Variants in WDFY4 observed in about 807,000 individuals in gnomAD.
WDFY4 encodes the protein WDFY family member 4.
WDFY4 carries 169 observed loss-of-function variants against 351.9 expected under a neutral mutation model. That is an observed-to-expected ratio of 0.48 (90% CI 0.42 to 0.55). The LOEUF (loss-of-function observed/expected upper bound fraction) is 0.55. Ranked by LOEUF, WDFY4 falls within the 20% of genes least tolerant of loss-of-function variation. The pLI is 0.00. For synonymous variants in WDFY4, 1,622 were observed against 1,574.6 expected, an observed-to-expected ratio of 1.03 and a Z score of -0.71; for missense variants, 3,803 against 3,935.6, an observed-to-expected ratio of 0.97 and a Z score of 0.90.
At chr10:48,774,808 A>G in intron 14 of WDFY4, 136 bp downstream of exon 14, 1 of 1,161,600 alleles carries the variant, frequency 8.6e-7, no homozygotes, top group Non-Finnish European at 1.2e-6. Flanking sequence ...TCAAGGCTGG[A>G]GTCCATGGCT....
intron 19 of WDFY4, among the ~76,000 whole-genome samples, chr10:48,781,095 C>T (rs2066206368): frequency 6.6e-6 from 1 of 152,006 alleles, no homozygotes; most frequent in Non-Finnish European, 1.5e-5. Context: ...CAAAGTTGTT[C>T]CAGGTTAAGA....
rs1450935061 is a variant in WDFY4, at chr10:48,969,148, T to C, written c.8669T>C (p.Val2890Ala). Residue 2890 changes from valine to alanine, a missense_variant, in exon 56 of 62, where the codon GTA (valine) becomes GCA (alanine). Val to Ala is a moderately conservative substitution (Grantham distance 64). Coordinates refer to ENST00000325239, the MANE Select transcript of WDFY4 (RefSeq NM_001394531.1). ...IVSTEKTILAVERNKVLLPPL... is the reference protein window; with the variant it reads ...IVSTEKTILAAERNKVLLPPL... ...TCTACTGAGAAGACCATTCTGGCTGTAGAGAGGAACAAAGTGCTGCTGCCT... is the reference window on the plus strand; with the variant it reads ...TCTACTGAGAAGACCATTCTGGCTGCAGAGAGGAACAAAGTGCTGCTGCCT... The C allele has an allele frequency of 3.2e-6, 5 of 1,551,786 alleles. No individual in the cohort carries two copies. The Admixed American group carries it at 9.8e-5, about 30-fold the overall frequency.
At chr10:48,746,998 A>G (rs1021137249) in intron 12 of WDFY4, among the ~76,000 whole-genome samples, 1 of 152,098 alleles carries the variant, frequency 6.6e-6, no homozygotes, top group Non-Finnish European at 1.5e-5. Flanking sequence ...CTATCCTTCC[A>G]TCTGGGATTA....
intron 13 of WDFY4, among the ~76,000 whole-genome samples, chr10:48,760,939 C>G (rs569463410): frequency 4.9e-4 from 74 of 152,190 alleles, no homozygotes; most frequent in African/African-American, 1.7e-3. Context: ...TGCAGACAGA[C>G]TAAATAAATG....
At chr10:48,810,480 T>A (rs927089434) in intron 28 of WDFY4, 50 bp from the exon 29 acceptor site, 1 of 1,498,810 alleles carries the variant, frequency 6.7e-7, no homozygotes. Context: ...TCTGGACATG[T>A]CACTCGCTCA....
chr10:48,788,484 G>A (rs1453738758), intron 20 of WDFY4, 46 bp from the exon 21 acceptor site: 7 of 1,535,238 alleles, frequency 4.6e-6, no homozygotes, highest in Non-Finnish European at 6.2e-6. Flanking sequence ...TTAATTTCCT[G>A]CTCTGTAAAG....
chr10:48,824,884 G>A (rs533047080), intron 35 of WDFY4, among the ~76,000 whole-genome samples: 1 of 152,136 alleles, frequency 6.6e-6, no homozygotes, highest in Non-Finnish European at 1.5e-5. Flanking sequence ...GTCCTCAAGA[G>A]ATCTTCTTAT....
intron 47 of WDFY4, among the ~76,000 whole-genome samples, chr10:48,928,733 C>T (rs890075148): frequency 3.9e-5 from 6 of 152,170 alleles, no homozygotes; most frequent in African/African-American, 1.2e-4. Flanking sequence ...CCCCATCTGC[C>T]GCAGGACAGC....
rs2063713122 is a variant in WDFY4 at position 48,709,480 on chromosome 10, T to C, written c.-17-236T>C. Among the ~76,000 whole-genome samples the C allele has an allele frequency of 1.3e-5, 2 of 152,122 alleles. 1 individual carries two copies. The highest frequency in any genetic ancestry group is 1.3e-4 in the Admixed American group (2 of 15,276). ...GTGGCTGTAGGAGAGTCTGTCTGAG[T>C]CTTGTGTATAAGACCCCACAGTGCT... On this transcript the variant is annotated intron_variant, in intron 1 of 61. Transcript: ENST00000325239.
intron 39 of WDFY4, among the ~76,000 whole-genome samples, chr10:48,843,548 G>A (rs1589735878): frequency 1.3e-5 from 2 of 152,088 alleles, no homozygotes; most frequent in East Asian, 1.9e-4. Context: ...ATAAATAACA[G>A]TAGATGGATT....
chr10:48,950,010 T>G (rs1481303476), intron 51 of WDFY4, among the ~76,000 whole-genome samples: 1 of 152,228 alleles, frequency 6.6e-6, no homozygotes, highest in Admixed American at 6.5e-5. Flanking sequence ...AGCTGTTATT[T>G]AAACTATTTT....
intron 30 of WDFY4, among the ~76,000 whole-genome samples, chr10:48,813,279 A>G (rs1038123242): frequency 1.3e-5 from 2 of 152,264 alleles, no homozygotes; most frequent in South Asian, 2.1e-4. Context: ...AAATATTGAC[A>G]TATGCTAATA....
chr10:48,945,109 C>T (rs1840972942), intron 49 of WDFY4, among the ~76,000 whole-genome samples: 1 of 152,180 alleles, frequency 6.6e-6, no homozygotes, highest in South Asian at 2.1e-4. Context: ...GGCGCAGTGG[C>T]TTATGTCTGT....
At chr10:48,783,168 C>A (rs1036972742) in intron 19 of WDFY4, among the ~76,000 whole-genome samples, 14 of 152,144 alleles carry the variant, frequency 9.2e-5, no homozygotes, top group African/African-American at 2.9e-4. Context: ...CTCCAGGACC[C>A]TTCCTGGATA....
chr10:48,946,586 G>A (rs1161059737), intron 50 of WDFY4, among the ~76,000 whole-genome samples: 1 of 152,216 alleles, frequency 6.6e-6, no homozygotes, highest in Non-Finnish European at 1.5e-5. Flanking sequence ...TAAGCAACTT[G>A]CTCAAGATCA....
Position 48,946,136 on chromosome 10 carries a change from AAAG to A in WDFY4, c.7850_7852del (p.Glu2617del). ...GAAGCTGAAATTTATCCAGAGGTTT[AAAG>A]AAGTTGAGAAAACTGAAGGTGAGTA... On this transcript the variant is annotated inframe_deletion, in exon 50 of 62. Transcript: ENST00000325239. 2 of 1,549,720 alleles carry A rather than the reference AAAG, an allele frequency of 1.3e-6. No homozygotes were observed. The highest frequency in any genetic ancestry group is 1.7e-6 in the Non-Finnish European group (2 of 1,146,446).
intron 47 of WDFY4, among the ~76,000 whole-genome samples, chr10:48,912,524 C>A (rs1029999389): frequency 2.0e-5 from 3 of 152,218 alleles, no homozygotes; most frequent in African/African-American, 7.2e-5. Flanking sequence ...ATGCCTCAGA[C>A]AGTGGTGCTC....
chr10:48,932,362 C>T (rs570208162), intron 47 of WDFY4: 2 of 152,272 alleles, frequency 1.3e-5, no homozygotes, highest in East Asian at 3.9e-4. Flanking sequence ...TTTGCTGATT[C>T]CCAAATACAA....
chr10:48,789,554 C>T (rs1409580107), intron 21 of WDFY4, among the ~76,000 whole-genome samples: 5 of 152,236 alleles, frequency 3.3e-5, no homozygotes, highest in Non-Finnish European at 5.9e-5. Flanking sequence ...CTTGGTAGCG[C>T]TGTTCCACCT....
Sources: gnomAD v4.1 joint callset for allele counts (sites outside exome capture counted in the v4.1 genomes callset) on GRCh38, gnomAD v4.1.1 for gene constraint, MANE v1.5 for transcripts, NCBI Gene and HGNC (gene_info 2026-07-23, HGNC 2026-07-21) for gene names.